The following LRTM1 variants were observed in gnomAD, a reference collection of about 807,000 sequenced individuals.
LRTM1 encodes leucine-rich repeat and transmembrane domain-containing protein 1.
A neutral mutation model predicts 32.4 loss-of-function variants in LRTM1; 38 were observed. The observed-to-expected ratio is 1.17, with a 90% CI of 0.91 to 1.54. The LOEUF is 1.54. LRTM1 is among the 40% of genes most tolerant of loss of function. LRTM1 has a pLI of 0.00. For synonymous variants in LRTM1, 186 were observed against 169.9 expected (o/e 1.09, Z -0.74); for missense variants, 466 against 415.4 (o/e 1.12, Z -1.06).
Position 54,934,985 on chromosome 3 carries a change from G to A in LRTM1, c.-221-9770C>T, listed in dbSNP as rs539729361. ...ACTCCTGACCTCAAGTGATCCACCC[G>A]CCTTGGCCTCCCAAAGTGCTGGGAC... On this transcript the variant is annotated intron_variant, in intron 1 of 2. Coordinates refer to the LRTM1 transcript ENST00000493075. 5.3e-5 allele frequency among the ~76,000 whole-genome samples: 8 copies of A among 152,312 alleles called. No homozygotes were observed. The South Asian group carries it at 8.3e-4, about 16-fold the overall frequency.
intron 1 of LRTM1, among the ~76,000 whole-genome samples, chr3:54,943,277 C>T (rs1001220842): frequency 2.6e-5 from 4 of 151,992 alleles, no homozygotes; most frequent in African/African-American, 9.7e-5. Context: ...CCATCATTCC[C>T]AACCCCTATT....
At chr3:54,933,488 T>C (rs1701257665) in intron 1 of LRTM1, among the ~76,000 whole-genome samples, 1 of 152,180 alleles carries the variant, frequency 6.6e-6, no homozygotes. Context: ...GCTCACATTC[T>C]ATTAGCCAGA....
chr3:54,922,226 T>A (rs1700873084), intron 2 of LRTM1, among the ~76,000 whole-genome samples: 2 of 151,976 alleles, frequency 1.3e-5, no homozygotes, highest in South Asian at 4.2e-4. Flanking sequence ...TAGGGAAGTG[T>A]ACTAATTTTC....
chr3:54,955,497 A>G (rs1311271672), intron 1 of LRTM1, among the ~76,000 whole-genome samples: 1 of 152,178 alleles, frequency 6.6e-6, no homozygotes, highest in Non-Finnish European at 1.5e-5. Context: ...TCAGATGAGG[A>G]TATTCCAAAG....
At chr3:54,931,178 AC>A (rs1701180196), upstream of LRTM1, among the ~76,000 whole-genome samples, 2 of 152,152 alleles carry the variant, frequency 1.3e-5, no homozygotes, top group South Asian at 4.1e-4. Context: ...GGCTGCTCCC[AC>A]CTAAAACACG....
At chr3:54,926,457 C>T (rs1333926513) in intron 1 of LRTM1, among the ~76,000 whole-genome samples, 1 of 151,378 alleles carries the variant, frequency 6.6e-6, no homozygotes, top group Non-Finnish European at 1.5e-5. Flanking sequence ...TTTCCTCCCT[C>T]CAGAGTCTGT....
At chr3:54,938,872 T>C (rs1575392377) in intron 1 of LRTM1, among the ~76,000 whole-genome samples, 1 of 152,014 alleles carries the variant, frequency 6.6e-6, no homozygotes, top group South Asian at 2.1e-4. Context: ...ACAATCCCCA[T>C]TAGTGTGCCA....
intron 1 of LRTM1, among the ~76,000 whole-genome samples, chr3:54,957,953 C>A (rs147242032): frequency 1.3e-5 from 2 of 152,290 alleles, no homozygotes; most frequent in Non-Finnish European, 2.9e-5. Flanking sequence ...GAGTCCAAAC[C>A]ACATGGATGG....
intron 2 of LRTM1, among the ~76,000 whole-genome samples, chr3:54,923,198 C>T (rs1700903808): frequency 6.6e-6 from 1 of 152,128 alleles, no homozygotes. Context: ...ACTTAAAGTC[C>T]AAGCATCTTG....
chr3:54,966,261 G>A (rs2107061867), intron 1 of LRTM1, among the ~76,000 whole-genome samples: 1 of 152,292 alleles, frequency 6.6e-6, no homozygotes, highest in South Asian at 2.1e-4. Flanking sequence ...GACTCTTTCA[G>A]GGAGTCAGAC....
chr3:54,941,716 T>C (rs900659618), intron 1 of LRTM1, among the ~76,000 whole-genome samples: 8 of 152,204 alleles, frequency 5.3e-5, no homozygotes, highest in African/African-American at 1.9e-4. Context: ...AATGGGATCT[T>C]GGTAGAATTC....
chr3:54,926,753 G>A (rs1701033135), intron 1 of LRTM1, among the ~76,000 whole-genome samples: 1 of 152,154 alleles, frequency 6.6e-6, no homozygotes, highest in African/African-American at 2.4e-5. Context: ...CCACTCTTAT[G>A]AGGGGTAGTT....
intron 1 of LRTM1, among the ~76,000 whole-genome samples, chr3:54,935,153 G>A (rs1195438508): frequency 1.3e-5 from 2 of 152,150 alleles, no homozygotes; most frequent in African/African-American, 4.8e-5. Context: ...TAACTCTCAG[G>A]GAACCAGTTC....
At chr3:54,964,890 C>T (rs1487327388) in intron 1 of LRTM1, among the ~76,000 whole-genome samples, 3 of 151,892 alleles carry the variant, frequency 2.0e-5, no homozygotes, top group Admixed American at 6.6e-5. Context: ...AGCTCAATCC[C>T]GTTACTCTCG....
intron 1 of LRTM1, among the ~76,000 whole-genome samples, chr3:54,942,617 ACTGGTTCACGC>A (rs377180717): frequency 4.9e-4 from 74 of 152,296 alleles, no homozygotes; most frequent in African/African-American, 1.7e-3. Flanking sequence ...AGCCAGGCAT[ACTGGTTCACGC>A]CTGTAATTCC....
chr3:54,945,438 C>T (rs1701588289), intron 1 of LRTM1, among the ~76,000 whole-genome samples: 1 of 152,182 alleles, frequency 6.6e-6, no homozygotes, highest in Non-Finnish European at 1.5e-5. Context: ...CCAGCCCAGG[C>T]ATGTATCTCT....
chr3:54,948,433 A>G (rs1028337428), intron 1 of LRTM1, among the ~76,000 whole-genome samples: 1 of 152,222 alleles, frequency 6.6e-6, no homozygotes, highest in Non-Finnish European at 1.5e-5. Flanking sequence ...TGCCTTCTTC[A>G]TTGTCCAGAA....
intron 1 of LRTM1, among the ~76,000 whole-genome samples, chr3:54,962,103 G>A (rs1234360958): frequency 2.0e-5 from 3 of 152,022 alleles, no homozygotes; most frequent in Admixed American, 1.3e-4. Flanking sequence ...CCATTCATGA[G>A]GACAGAGTCC....
intron 1 of LRTM1, among the ~76,000 whole-genome samples, chr3:54,944,590 T>G (rs900702200): frequency 9.9e-5 from 15 of 151,890 alleles, no homozygotes; most frequent in African/African-American, 3.6e-4. Context: ...CTGGCTAATT[T>G]TTTTGTATTT....
Sources: allele counts gnomAD v4.1 joint callset (sites outside exome capture counted in the v4.1 genomes callset), GRCh38; gene constraint gnomAD v4.1.1; transcripts MANE v1.5; gene names NCBI Gene and HGNC (gene_info 2026-07-23, HGNC 2026-07-21).